Variants in CEACAM5 observed in about 807,000 individuals in gnomAD.
CEACAM5 encodes CEA cell adhesion molecule 5.
CEACAM5 carries 52 observed loss-of-function variants against 63.0 expected under a neutral mutation model. The observed-to-expected ratio is 0.83, with a 90% CI of 0.66 to 1.04. The LOEUF (loss-of-function observed/expected upper bound fraction) is 1.04. CEACAM5 is among the 50% of genes least tolerant of loss of function. CEACAM5 has a pLI of 0.00. For synonymous variants in CEACAM5, 357 were observed against 351.3 expected, an observed-to-expected ratio of 1.02 and a Z score of -0.18; for missense variants, 790 against 864.8, an observed-to-expected ratio of 0.91 and a Z score of 1.08.
chr19:41,714,944 G>A (rs375603837), intron 2 of CEACAM5, 27 bp from the exon 3 acceptor site: 67 of 1,613,808 alleles, frequency 4.2e-5, no homozygotes, highest in South Asian at 2.3e-4. Flanking sequence ...GCCACACAGG[G>A]CAATCTTCTC....
chr19:41,721,176 G>A lies in CEACAM5; in HGVS notation c.2026G>A (p.Ala676Thr), dbSNP rs868942347. 5 of 1,614,092 alleles carry A rather than the reference G, an allele frequency of 3.1e-6. No homozygotes were observed. Among genetic ancestry groups the A allele is most frequent in the African/African-American group, 1.3e-5 (1 of 75,052 alleles). ...NSIVKSITVS[A>T]SGTSPGLSAG... ...CATAGTCAAGAGCATCACAGTCTCT[G>A]GTAAGTGGCTCCCTGGAGCATCAGC... Residue 676 changes from alanine (A) to threonine (T), a missense_variant and splice_region_variant, in exon 8 of 10, where the codon GCA becomes ACA. Ala to Thr is a moderately conservative substitution (Grantham distance 58). Transcript: ENST00000221992.
chr19:41,714,561 G>GA (rs1381167564), intron 2 of CEACAM5, among the ~76,000 whole-genome samples: 1 of 152,192 alleles, frequency 6.6e-6, no homozygotes, highest in African/African-American at 2.4e-5. Context: ...GGAAACCACA[G>GA]AAAAAATATA....
At position 41,715,181 on chromosome 19, in the gene CEACAM5, G is replaced by A. The variant is rs1005474927; in HGVS notation, c.635G>A (p.Ser212Asn). 5.0e-6 allele frequency: 8 copies of A among 1,614,230 alleles called. No homozygotes were observed. Among genetic ancestry groups the A allele is most frequent in the East Asian group, 2.2e-5 (1 of 44,890 alleles). Residue 212 changes from serine to asparagine, a missense_variant, in exon 3 of 10, where the codon AGC (serine) becomes AAC (asparagine). Transcript: ENST00000221992. ...LFNVTRNDTASYKCETQNPVS... is the reference protein window; with the variant it reads ...LFNVTRNDTANYKCETQNPVS... ...AATGTCACAAGAAATGACACAGCAAGCTACAAATGTGAAACCCAGAACCCA... is the reference window on the plus strand; with the variant it reads ...AATGTCACAAGAAATGACACAGCAAACTACAAATGTGAAACCCAGAACCCA...
chr19:41,722,190 G>C (rs1231911834), intron 8 of CEACAM5, among the ~76,000 whole-genome samples: 1 of 151,568 alleles, frequency 6.6e-6, no homozygotes, highest in African/African-American at 2.4e-5. Context: ...CTGAGGTCAG[G>C]AGTTCAAGAT....
intron 9 of CEACAM5, among the ~76,000 whole-genome samples, chr19:41,728,786 CAAA>C (rs55647539): frequency 1.4e-4 from 10 of 73,284 alleles, no homozygotes; most frequent in African/African-American, 3.4e-4. Context: ...GACTCCGTCT[CAAA>C]AAAAAAAAAA....
chr19:41,715,479 TG>T, intron 3 of CEACAM5, 170 bp from the exon 4 acceptor site: 1 of 1,121,584 alleles, frequency 8.9e-7, no homozygotes, highest in Non-Finnish European at 1.3e-6. Flanking sequence ...CACCCTATGA[TG>T]GGAGAAACAG....
Position 41,727,461 on chromosome 19 carries a change from C to T in CEACAM5, c.*36+109C>T. The T allele has an allele frequency of 1.0e-5, 7 of 683,326 alleles. No individual in the cohort carries two copies. The South Asian group carries it at 1.1e-4, about 11-fold the overall frequency. 42.3% of individuals were successfully genotyped at this position (683,326 alleles called of 1,614,324 possible). A position where few individuals can be genotyped will look rare whatever the true frequency, so the allele number is the denominator to read the frequency against. ...GTATCTGGGACTGGATCTCTTCCTC[C>T]TACCCCCAAGCTCCTGCTTCTCAGC... On this transcript the variant is annotated intron_variant, in intron 9 of 9. Transcript: ENST00000221992.
Position 41,717,434 on chromosome 19 carries a change from T to C in CEACAM5, c.959-21T>C, listed in dbSNP as rs202153305. ...ATCACAGGTGCCACACAGGGCAATC[T>C]TCTCTCTGTTATCTGCACAGCAGAG... is the stretch of plus-strand genomic sequence containing the variant. On this transcript the variant is annotated intron_variant, in intron 4 of 9. Coordinates refer to ENST00000221992, the MANE Select transcript of CEACAM5 (RefSeq NM_004363.6). 1.5e-3 allele frequency: 2,437 copies of C among 1,602,246 alleles called. 2 individuals are homozygous for C. Among genetic ancestry groups the C allele is most frequent in the Non-Finnish European group, 1.9e-3 (2,175 of 1,172,746 alleles).
At position 41,727,300 on chromosome 19, in the gene CEACAM5, G is replaced by C. The variant is rs2072713844; in HGVS notation, c.2093G>C (p.Gly698Ala). The change falls in exon 9 of 10, where the codon GGG (glycine) becomes GCG (alanine). Residue 698 changes from glycine to alanine, a missense_variant. Gly to Ala is a moderately conservative substitution (Grantham distance 60). Coordinates refer to ENST00000221992, the MANE Select transcript of CEACAM5 (RefSeq NM_004363.6). The stretch of plus-strand genomic sequence containing the variant: ...GGCATCATGATTGGAGTGCTGGTTG[G>C]GGTTGCTCTGATATAGCAGCCCTGG... ...TVGIMIGVLV[G>A]VALI The C allele has an allele frequency of 6.2e-7, 1 of 1,613,784 alleles. No homozygotes were observed. Among genetic ancestry groups the C allele is most frequent in the East Asian group, 2.2e-5 (1 of 44,888 alleles).
intron 8 of CEACAM5, among the ~76,000 whole-genome samples, chr19:41,725,182 T>C (rs1555816893): frequency 6.6e-6 from 1 of 152,206 alleles, no homozygotes; most frequent in African/African-American, 2.4e-5. Flanking sequence ...TTTTGTCAAA[T>C]GCTTTTATTG....
At chr19:41,728,786 CAAAAAAA>C (rs55647539) in intron 9 of CEACAM5, among the ~76,000 whole-genome samples, 1 of 73,298 alleles carries the variant, frequency 1.4e-5, no homozygotes, top group Non-Finnish European at 2.5e-5. Flanking sequence ...GACTCCGTCT[CAAAAAAA>C]AAAAAAAAAA....
chr19:41,727,808 A>C (rs1555817330), intron 9 of CEACAM5, among the ~76,000 whole-genome samples: 1 of 152,168 alleles, frequency 6.6e-6, no homozygotes, highest in East Asian at 1.9e-4. Context: ...TGTATTAGAT[A>C]AGTTCACATT....
At chr19:41,719,570 G>C (rs892861838) in intron 6 of CEACAM5, among the ~76,000 whole-genome samples, 1 of 152,180 alleles carries the variant, frequency 6.6e-6, no homozygotes, top group Admixed American at 6.5e-5. Flanking sequence ...GTGTGGGACC[G>C]TGCAGCTGAA....
At chr19:41,718,411 A>G in intron 6 of CEACAM5, 29 bp downstream of exon 6, 1 of 1,610,908 alleles carries the variant, frequency 6.2e-7, no homozygotes, top group African/African-American at 1.3e-5. Context: ...CGTTAGCAAT[A>G]TGTTCTGGAG....
At chr19:41,710,640 G>A (rs2072421697) in intron 2 of CEACAM5, among the ~76,000 whole-genome samples, 2 of 151,984 alleles carry the variant, frequency 1.3e-5, no homozygotes. Flanking sequence ...TCAATGTGGG[G>A]AGGATAGATA....
Position 41,720,139 on chromosome 19 carries a change from G to T in CEACAM5, c.1702G>T (p.Ala568Ser). 1 of 1,614,234 alleles carries T rather than the reference G, an allele frequency of 6.2e-7. No homozygotes were observed. The highest frequency in any genetic ancestry group is 8.5e-7 in the Non-Finnish European group (1 of 1,180,050). Reference protein sequence around the residue: ...LFNVTRNDARAYVCGIQNSVS... With the variant: ...LFNVTRNDARSYVCGIQNSVS... ...CAATGTCACAAGAAATGACGCAAGA[G>T]CCTATGTATGTGGAATCCAGAACTC... The change falls in exon 7 of 10, where the codon GCC becomes TCC. Residue 568 changes from alanine (A) to serine (S), a missense_variant. Physicochemically the swap from Ala to Ser is moderately conservative, Grantham distance 99 (BLOSUM62 1). Coordinates refer to ENST00000221992, the MANE Select transcript of CEACAM5 (RefSeq NM_004363.6).
intron 6 of CEACAM5, among the ~76,000 whole-genome samples, chr19:41,719,658 C>T (rs781914176): frequency 1.8e-4 from 27 of 152,212 alleles, no homozygotes; most frequent in Admixed American, 3.9e-4. Context: ...GTGCTGGGGG[C>T]TGTGACTCCC....
intron 6 of CEACAM5, among the ~76,000 whole-genome samples, 155 bp downstream of exon 6, chr19:41,718,537 A>C (rs2072565779): frequency 6.6e-6 from 1 of 152,138 alleles, no homozygotes; most frequent in African/African-American, 2.4e-5. Flanking sequence ...TTGTCTCTAC[A>C]AACACTCTTC....
chr19:41,711,070 G>T (rs1469711585), intron 2 of CEACAM5, among the ~76,000 whole-genome samples: 1 of 152,168 alleles, frequency 6.6e-6, no homozygotes, highest in Non-Finnish European at 1.5e-5. Flanking sequence ...GCTGTTTGTT[G>T]TTAGGCATCT....
Sources: allele counts gnomAD v4.1 joint callset (sites outside exome capture counted in the v4.1 genomes callset), GRCh38; gene constraint gnomAD v4.1.1; transcripts MANE v1.5; gene names NCBI Gene and HGNC (gene_info 2026-07-23, HGNC 2026-07-21).